RIC1: variants seen among roughly 807,000 people sequenced by gnomAD.
RIC1 encodes guanine nucleotide exchange factor subunit RIC1.
Under a neutral mutation model 169.0 loss-of-function variants are expected in RIC1, and 88 were observed. The observed-to-expected ratio is 0.52, with a 90% CI of 0.44 to 0.62. The LOEUF (loss-of-function observed/expected upper bound fraction) is 0.62, where lower values mean the gene tolerates loss of function less well. Ranked by LOEUF, RIC1 falls within the 20% of genes least tolerant of loss-of-function variation. The pLI is 0.00. For synonymous variants in RIC1, 790 were observed against 601.5 expected, an observed-to-expected ratio of 1.31 and a Z score of -4.59; for missense variants, 1,877 against 1,725.5, an observed-to-expected ratio of 1.09 and a Z score of -1.56.
intron 6 of RIC1, among the ~76,000 whole-genome samples, chr9:5,732,173 T>C (rs1824408487): frequency 6.6e-6 from 1 of 152,216 alleles, no homozygotes; most frequent in African/African-American, 2.4e-5. Flanking sequence ...TGAGTATTTA[T>C]CAGACCAATT....
In RIC1 at chr9:5,747,401, T is replaced by C. The variant is rs778886720; in HGVS notation, c.1348T>C (p.Ser450Pro). The C allele has an allele frequency of 1.1e-5, 18 of 1,613,916 alleles. No homozygotes were observed. Among genetic ancestry groups the C allele is most frequent in the African/African-American group, 2.7e-5 (2 of 74,912 alleles). ...GAATCCCAGGAGTTCTTCAACACAC[T>C]CTGAGCATAAGCCCAGTCGAGAAAA... ...TQNPRSSSTH[S>P]EHKPSREKSP... Residue 450 changes from serine (S) to proline (P), a missense_variant, in exon 12 of 26, where the codon TCT becomes CCT. Coordinates refer to ENST00000414202, the MANE Select transcript of RIC1 (RefSeq NM_020829.4).
intron 3 of RIC1, among the ~76,000 whole-genome samples, chr9:5,703,415 C>G (rs78786934): frequency 0.02 from 2,979 of 152,246 alleles, 150 homozygotes; most frequent in East Asian, 0.15. Context: ...TCACAATTAC[C>G]TAGTTCCAGA....
At chr9:5,686,573 A>G (rs1226149473) in intron 2 of RIC1, among the ~76,000 whole-genome samples, 7 of 145,976 alleles carry the variant, frequency 4.8e-5, no homozygotes, top group Admixed American at 4.2e-4. Flanking sequence ...TGGGAATTGA[A>G]CAATGAGATC....
chr9:5,682,821 CT>C (rs778799450), intron 2 of RIC1, among the ~76,000 whole-genome samples: 46 of 152,200 alleles, frequency 3.0e-4, no homozygotes, highest in Non-Finnish European at 1.0e-4. Context: ...TAGATTTTGT[CT>C]TTTCACATAG....
Position 5,737,194 on chromosome 9 carries a change from C to T in RIC1, c.813-1256C>T, listed in dbSNP as rs1202435544. Among the ~76,000 whole-genome samples the T allele has an allele frequency of 2.0e-5, 3 of 152,116 alleles. No homozygotes were observed. The East Asian group carries it at 5.8e-4, about 29-fold the overall frequency. ...GAATATACCATGAGCAGAAATGAGA[C>T]TTTTCTGTTATCCTCGTAGTTCAAT... On this transcript the variant is annotated intron_variant, in intron 7 of 25. Coordinates refer to ENST00000414202, the MANE Select transcript of RIC1 (RefSeq NM_020829.4).
At chr9:5,722,706 C>A (rs995435682) in intron 6 of RIC1, among the ~76,000 whole-genome samples, 10 of 152,244 alleles carry the variant, frequency 6.6e-5, no homozygotes, top group African/African-American at 1.4e-4. Context: ...TCCCTCCCCC[C>A]CTCGCCCCAC....
In RIC1 at chr9:5,770,080, T is replaced by C. The variant is rs1411689038; in HGVS notation, c.3425-7T>C. The C allele has an allele frequency of 6.2e-7, 1 of 1,605,848 alleles. No homozygotes were observed. Among genetic ancestry groups the C allele is most frequent in the South Asian group, 1.1e-5 (1 of 90,212 alleles). On this transcript the variant is annotated splice_polypyrimidine_tract_variant and splice_region_variant and intron_variant, in intron 22 of 25. Transcript: ENST00000414202. ...CTCCATTTTTTGTTTTCGGACCCAC[T>C]CTGCAGTGGGAGAGCAGCTGTTAAA...
intron 6 of RIC1, among the ~76,000 whole-genome samples, chr9:5,721,530 T>C (rs1416070062): frequency 6.6e-6 from 1 of 152,158 alleles, no homozygotes; most frequent in Non-Finnish European, 1.5e-5. Flanking sequence ...CCTAGTGCGC[T>C]TGTGGGCATT....
At chr9:5,683,839 G>A (rs1258950241) in intron 2 of RIC1, among the ~76,000 whole-genome samples, 1 of 152,216 alleles carries the variant, frequency 6.6e-6, no homozygotes. Flanking sequence ...CAAGCCTCGG[G>A]AATGGCGGGC....
chr9:5,630,909 A>C (rs551383620), intron 1 of RIC1, among the ~76,000 whole-genome samples: 1 of 152,356 alleles, frequency 6.6e-6, no homozygotes, highest in South Asian at 2.1e-4. Flanking sequence ...TGCAGAAAAA[A>C]ATAGAACTTG....
chr9:5,759,505 A>T (rs1216779010), intron 17 of RIC1, among the ~76,000 whole-genome samples: 2 of 152,232 alleles, frequency 1.3e-5, no homozygotes, highest in African/African-American at 4.8e-5. Context: ...GTCATTTGTG[A>T]GGCAAATGTG....
chr9:5,645,063 G>A (rs1298617262), intron 1 of RIC1, among the ~76,000 whole-genome samples: 4 of 152,060 alleles, frequency 2.6e-5, no homozygotes, highest in Middle Eastern at 3.4e-3. Context: ...CTATACCTAT[G>A]TAGTTAATTA....
In RIC1 at chr9:5,775,894, C is replaced by T. The variant is rs1197195379; in HGVS notation, c.*1648C>T. The stretch of plus-strand genomic sequence containing the variant: ...TTATTTAAGTCTTTGTTTCAAACCA[C>T]CTTTCCCTGAATCTTAAAGATAATG... On this transcript the variant is annotated 3_prime_UTR_variant, in exon 26 of 26. Transcript: ENST00000414202. 6.6e-6 allele frequency: 1 copy of T among 152,122 alleles called. No individual in the cohort carries two copies. The highest frequency in any genetic ancestry group is 1.5e-5 in the Non-Finnish European group (1 of 68,010). The allele number at this position is 152,122 out of a possible 1,614,324, so 9.4% of individuals were successfully genotyped here. A position where few individuals can be genotyped will look rare whatever the true frequency, so the allele number is the denominator to read the frequency against.
intron 22 of RIC1, 33 bp from the exon 23 acceptor site, chr9:5,770,054 C>T (rs1232097967): frequency 5.8e-6 from 9 of 1,556,002 alleles, no homozygotes; most frequent in Non-Finnish European, 6.1e-6. Context: ...TCAATTTCTT[C>T]CTCCATTTTT....
intron 21 of RIC1, 120 bp downstream of exon 21, chr9:5,765,918 C>T: frequency 7.9e-7 from 1 of 1,269,012 alleles, no homozygotes; most frequent in Non-Finnish European, 1.1e-6. Flanking sequence ...GTTTCTTTTT[C>T]CATTCCCAAA....
chr9:5,652,691 A>G (rs947215147), intron 1 of RIC1, among the ~76,000 whole-genome samples: 1 of 149,922 alleles, frequency 6.7e-6, no homozygotes, highest in Non-Finnish European at 1.5e-5. Context: ...GATACTTTTT[A>G]TTCTTTTTTT....
At chr9:5,756,104 T>TA (rs370435478) in intron 15 of RIC1, 108 bp from the exon 16 acceptor site, 16,315 of 465,152 alleles carry the variant, frequency 0.035, no homozygotes, top group Non-Finnish European at 0.04. Flanking sequence ...CTCCTGTTAC[T>TA]AAAAAAAAAA....
intron 3 of RIC1, among the ~76,000 whole-genome samples, chr9:5,699,199 A>G (rs188927399): frequency 3.0e-4 from 45 of 152,352 alleles, no homozygotes; most frequent in Admixed American, 2.7e-3. Context: ...GCCACTGTCA[A>G]TATGGAATTT....
intron 2 of RIC1, among the ~76,000 whole-genome samples, chr9:5,666,764 G>T (rs1428441601): frequency 6.6e-6 from 1 of 151,740 alleles, no homozygotes; most frequent in African/African-American, 2.4e-5. Context: ...ATTTGCTGAG[G>T]ACTTTTGCAT....
Sources: allele counts gnomAD v4.1 joint callset (sites outside exome capture counted in the v4.1 genomes callset), GRCh38; gene constraint gnomAD v4.1.1; transcripts MANE v1.5; gene names NCBI Gene and HGNC (gene_info 2026-07-23, HGNC 2026-07-21).